The following TMEM8B variants were observed in gnomAD, a reference collection of about 807,000 sequenced individuals.
The protein encoded by TMEM8B is transmembrane protein 8B.
TMEM8B carries 29 observed loss-of-function variants against 49.3 expected under a neutral mutation model. The observed-to-expected ratio is 0.59, with a 90% CI of 0.44 to 0.80. TMEM8B has a LOEUF of 0.80. TMEM8B is among the 30% of genes least tolerant of loss of function. The pLI, the probability that TMEM8B is intolerant of heterozygous loss-of-function variation, is 0.00. For synonymous variants in TMEM8B, 264 were observed against 272.8 expected (o/e 0.97, Z 0.32); for missense variants, 575 against 658.5 (o/e 0.87, Z 1.39).
chr9:35,852,961 C>A lies in TMEM8B; in HGVS notation c.2310C>A (p.Pro770=). 1.2e-6 allele frequency: 2 copies of A among 1,614,150 alleles called. No homozygotes were observed. The highest frequency in any genetic ancestry group is 1.7e-6 in the Non-Finnish European group (2 of 1,180,030). ...VTVIAMARLQ[P]VVKQVLYLLG... Reference sequence around the variant, plus strand: ...TCATTGCCATGGCTCGTTTACAGCCCGTGGTCAAGCAGGTCAGTCCAGAGT... The same window carrying A: ...TCATTGCCATGGCTCGTTTACAGCCAGTGGTCAAGCAGGTCAGTCCAGAGT... Residue 770 remains proline, a synonymous_variant, in exon 11 of 13, where the codon CCC becomes CCA. Transcript: ENST00000643932.
rs895017266 is a variant in TMEM8B, at chr9:35,864,835, T to C, written c.*10995T>C. 1.3e-5 allele frequency: 2 copies of C among 152,362 alleles called. No individual in the cohort carries two copies. Among genetic ancestry groups the C allele is most frequent in the African/African-American group, 4.8e-5 (2 of 41,446 alleles). The allele number at this position is 152,362 out of a possible 1,614,324, so 9.4% of individuals were successfully genotyped here. ...GGAGCCAGGTGAGGGGAGCTGTGGT[T>C]TGGGAAGTGCCGAGTTCATTATGAG... On this transcript the variant is annotated 3_prime_UTR_variant, in exon 13 of 13. Coordinates refer to ENST00000643932, the MANE Select transcript of TMEM8B (RefSeq NM_001042590.4).
chr9:35,853,721 G>C lies in TMEM8B; in HGVS notation c.2656G>C (p.Gly886Arg). 3 of 1,614,038 alleles carry C rather than the reference G, an allele frequency of 1.9e-6. No homozygotes were observed. Among genetic ancestry groups the C allele is most frequent in the Non-Finnish European group, 2.5e-6 (3 of 1,179,934 alleles). ...LLPPRAKTDH[G>R]VPSGARARGC... is the part of the protein sequence containing the mutation. ...GCCCCCTCGTGCCAAGACTGACCACGGGGTCCCATCTGGAGCCCGGGCCCG... is the reference window on the plus strand; with the variant it reads ...GCCCCCTCGTGCCAAGACTGACCACCGGGTCCCATCTGGAGCCCGGGCCCG... The change falls in exon 13 of 13, where the codon GGG becomes CGG. Residue 886 changes from glycine to arginine, a missense_variant. Gly to Arg is a moderately radical substitution (Grantham distance 125, BLOSUM62 -2). Transcript: ENST00000643932. This position sits in a 1 kb window ranked among gnomAD's most constrained non-coding sequence, Gnocchi z 4.2.
intron 10 of TMEM8B, among the ~76,000 whole-genome samples, chr9:35,847,854 G>C (rs1439283962): frequency 6.6e-6 from 1 of 152,170 alleles, no homozygotes; most frequent in Non-Finnish European, 1.5e-5. Flanking sequence ...AGGTAGAGAA[G>C]TGAGCCTGCT....
chr9:35,845,693 CTCTT>C, intron 6 of TMEM8B: 1 of 985,456 alleles, frequency 1.0e-6, no homozygotes. Context: ...AGGGTGTTCT[CTCTT>C]GCTTGGACAG....
chr9:35,851,077 C>G (rs1262422402), intron 10 of TMEM8B, among the ~76,000 whole-genome samples: 3 of 152,132 alleles, frequency 2.0e-5, no homozygotes, highest in Non-Finnish European at 4.4e-5. Flanking sequence ...AAACCAGTCT[C>G]TTAGGTGTAT....
chr9:35,853,181 T>C lies in TMEM8B; in HGVS notation c.2363T>C (p.Leu788Pro). Reference protein sequence around the residue: ...LLGAMLLSMALQLDRHGLWNL... With the variant: ...LLGAMLLSMAPQLDRHGLWNL... ...GGAGCTATGCTGCTGTCCATGGCTC[T>C]GCAGCTTGACCGACATGGACTCTGG... The change falls in exon 12 of 13, where the codon CTG (leucine) becomes CCG (proline). Residue 788 changes from leucine (L) to proline (P), a missense_variant. Leu to Pro is a moderately conservative substitution (Grantham distance 98). Transcript: ENST00000643932. The surrounding 1 kb of genome is among the most constrained non-coding windows in gnomAD (Gnocchi z 4.2). 1 of 1,614,200 alleles carries C rather than the reference T, an allele frequency of 6.2e-7. No homozygotes were observed. The highest frequency in any genetic ancestry group is 8.5e-7 in the Non-Finnish European group (1 of 1,180,004).
rs1831097545 is a variant in TMEM8B, at chr9:35,842,339, G to A, written c.1310-53G>A. On this transcript the variant is annotated intron_variant, in intron 5 of 12. Coordinates refer to ENST00000643932, the MANE Select transcript of TMEM8B (RefSeq NM_001042590.4). The surrounding 1 kb of genome is among the most constrained non-coding windows in gnomAD (Gnocchi z 5.6). ...CTAGCTCAGATGTGTTTATGAGTAA[G>A]TTCAGGACTGTAAAGGCTGCAGGCC... 1 of 1,357,496 alleles carries A rather than the reference G, an allele frequency of 7.4e-7. No homozygotes were observed. Among genetic ancestry groups the A allele is most frequent in the African/African-American group, 1.5e-5 (1 of 68,102 alleles). The allele number at this position is 1,357,496 out of a possible 1,614,324, so 84.1% of individuals were successfully genotyped here.
chr9:35,863,906 TC>T lies in TMEM8B; in HGVS notation c.*10067del, dbSNP rs1832690405. The T allele has an allele frequency of 6.6e-6, 1 of 152,230 alleles. No homozygotes were observed. The highest frequency in any genetic ancestry group is 1.5e-5 in the Non-Finnish European group (1 of 68,056). The allele number at this position is 152,230 out of a possible 1,614,324, so 9.4% of individuals were successfully genotyped here. On this transcript the variant is annotated 3_prime_UTR_variant, in exon 13 of 13. Coordinates refer to ENST00000643932, the MANE Select transcript of TMEM8B (RefSeq NM_001042590.4). ...CGTCTTATGACTCTCAGAAAGCTAC[TC>T]TAGTGGCCATCTACCAGTGTCACGC...
chr9:35,842,632 C>T lies in TMEM8B; in HGVS notation c.1550C>T (p.Pro517Leu). 6.2e-7 allele frequency: 1 copy of T among 1,614,242 alleles called. No individual in the cohort carries two copies. The highest frequency in any genetic ancestry group is 8.5e-7 in the Non-Finnish European group (1 of 1,180,040). ...TTTGGCCCAAGTGTGGCCCTTCCCC[C>T]TGAGCGCCCAGCCGTGTTCGCCATG... is the stretch of plus-strand genomic sequence containing the variant. ...IFFGPSVALP[P>L]ERPAVFAMRL... Residue 517 changes from proline to leucine, a missense_variant, in exon 6 of 13, where the codon CCT becomes CTT. Transcript: ENST00000643932. The surrounding 1 kb of genome is among the most constrained non-coding windows in gnomAD (Gnocchi z 5.6).
intron 1 of TMEM8B, among the ~76,000 whole-genome samples, chr9:35,832,632 T>C (rs925051470): frequency 6.6e-6 from 1 of 152,180 alleles, no homozygotes; most frequent in African/African-American, 2.4e-5. Flanking sequence ...CTAGCCCTCA[T>C]CTGAGGGTCT....
At chr9:35,845,444 T>C in intron 6 of TMEM8B, 1 of 985,468 alleles carries the variant, frequency 1.0e-6, no homozygotes, top group Non-Finnish European at 1.2e-6. Flanking sequence ...CTCTTGCAGA[T>C]ATCTGGTTTC....
intron 10 of TMEM8B, among the ~76,000 whole-genome samples, chr9:35,851,419 A>G (rs1315544025): frequency 6.6e-6 from 1 of 152,182 alleles, no homozygotes; most frequent in Non-Finnish European, 1.5e-5. Context: ...TGCTGGGATT[A>G]ACAGGCGTGA....
intron 10 of TMEM8B, among the ~76,000 whole-genome samples, chr9:35,849,571 G>A (rs1831951163): frequency 6.6e-6 from 1 of 152,142 alleles, no homozygotes; most frequent in Non-Finnish European, 1.5e-5. Context: ...GAGGTAGAAG[G>A]TGAGTATCTA....
At position 35,857,341 on chromosome 9, in the gene TMEM8B, C is replaced by T. The variant is rs1323329526; in HGVS notation, c.*3501C>T. On this transcript the variant is annotated 3_prime_UTR_variant, in exon 13 of 13. Coordinates refer to ENST00000643932, the MANE Select transcript of TMEM8B (RefSeq NM_001042590.4). Reference sequence around the variant, plus strand: ...ACAAGTGTGAAGTGGAAGATCCTGACAAAGTGCTGTAGGATGTAAAGAGAG... The same window carrying T: ...ACAAGTGTGAAGTGGAAGATCCTGATAAAGTGCTGTAGGATGTAAAGAGAG... The T allele has an allele frequency of 1.3e-5, 2 of 152,186 alleles. No individual in the cohort carries two copies. The highest frequency in any genetic ancestry group is 4.8e-5 in the African/African-American group (2 of 41,428). 9.4% of individuals were successfully genotyped at this position (152,186 alleles called of 1,614,324 possible). A position where few individuals can be genotyped will look rare whatever the true frequency, so the allele number is the denominator to read the frequency against.
In TMEM8B at chr9:35,845,996, G is replaced by T. The variant is rs1191912697; in HGVS notation, c.1657G>T (p.Val553Leu). 5.0e-6 allele frequency: 8 copies of T among 1,613,930 alleles called. No homozygotes were observed. Among genetic ancestry groups the T allele is most frequent in the Admixed American group, 1.7e-5 (1 of 59,986 alleles). The change falls in exon 7 of 13, where the codon GTG (valine) becomes TTG (leucine). Residue 553 changes from valine (V) to leucine (L), a missense_variant. Physicochemically the swap from Val to Leu is conservative, Grantham distance 32. Transcript: ENST00000643932. ...CCAGAGCTCCGTGCGCCAGGAAAAC[G>T]TGACGGTGTTTGGATGCTTGACTCA... ...LNASSVRQEN[V>L]TVFGCLTHEV...
Position 35,854,069 on chromosome 9 carries a change from A to C in TMEM8B, c.*229A>C. 1 of 1,252,952 alleles carries C rather than the reference A, an allele frequency of 8.0e-7. No individual in the cohort carries two copies. Among genetic ancestry groups the C allele is most frequent in the Admixed American group, 3.8e-5 (1 of 26,560 alleles). 77.6% of individuals were successfully genotyped at this position (1,252,952 alleles called of 1,614,324 possible). A position where few individuals can be genotyped will look rare whatever the true frequency, so the allele number is the denominator to read the frequency against. On this transcript the variant is annotated 3_prime_UTR_variant, in exon 13 of 13. Coordinates refer to ENST00000643932, the MANE Select transcript of TMEM8B (RefSeq NM_001042590.4). ...GAGTCCTTCTTAAGGACTGGAGCCTATGCAGGCACAGAGTCCCTCAGGACC... is the reference window on the plus strand; with the variant it reads ...GAGTCCTTCTTAAGGACTGGAGCCTCTGCAGGCACAGAGTCCCTCAGGACC...
In TMEM8B at chr9:35,857,005, G is replaced by A. The variant is rs1832562534; in HGVS notation, c.*3165G>A. 1 of 152,244 alleles carries A rather than the reference G, an allele frequency of 6.6e-6. No homozygotes were observed. Among genetic ancestry groups the A allele is most frequent in the Non-Finnish European group, 1.5e-5 (1 of 68,048 alleles). The allele number at this position is 152,244 out of a possible 1,614,324, so 9.4% of individuals were successfully genotyped here. A position where few individuals can be genotyped will look rare whatever the true frequency, so the allele number is the denominator to read the frequency against. On this transcript the variant is annotated 3_prime_UTR_variant, in exon 13 of 13. Transcript: ENST00000643932. ...CTTGTCTCAGTGGGGGAGATCCCAA[G>A]ATTCAAACAGCCCTTCCTTGCCTTG...
At position 35,861,766 on chromosome 9, in the gene TMEM8B, G is replaced by A. The variant is rs1227940353; in HGVS notation, c.*7926G>A. The A allele has an allele frequency of 1.3e-5, 2 of 152,236 alleles. No individual in the cohort carries two copies. Among genetic ancestry groups the A allele is most frequent in the Admixed American group, 6.5e-5 (1 of 15,280 alleles). 9.4% of individuals were successfully genotyped at this position (152,236 alleles called of 1,614,324 possible). ...CCGGGGGGTGCAATGACCTGTTACT[G>A]AGGCTGGATGGAGGATGGCATCCAT... On this transcript the variant is annotated 3_prime_UTR_variant, in exon 13 of 13. Transcript: ENST00000643932.
rs1303517251 is a variant in TMEM8B, at chr9:35,842,236, A to G, written c.1310-156A>G. 6.6e-6 allele frequency among the ~76,000 whole-genome samples: 1 copy of G among 152,164 alleles called. No homozygotes were observed. Among genetic ancestry groups the G allele is most frequent in the Non-Finnish European group, 1.5e-5 (1 of 68,016 alleles). ...TAGCTGTCACCATTAGGAAACCCCT[A>G]TAAACCTGGATGCCCCACACTCCCA... On this transcript the variant is annotated intron_variant, in intron 5 of 12. Transcript: ENST00000643932. The surrounding 1 kb of genome is among the most constrained non-coding windows in gnomAD (Gnocchi z 5.6).
Sources: gnomAD v4.1 joint callset for allele counts (sites outside exome capture counted in the v4.1 genomes callset) on GRCh38, gnomAD v4.1.1 for gene constraint, Gnocchi (gnomAD v3.1) non-coding constraint, MANE v1.5 for transcripts, NCBI Gene and HGNC (gene_info 2026-07-23, HGNC 2026-07-21) for gene names.